The following DDX3X variants were observed in gnomAD, a reference collection of about 807,000 sequenced individuals.
DDX3X encodes the protein ATP-dependent RNA helicase DDX3X.
In DDX3X, 4 loss-of-function variants were observed where a neutral mutation model predicts 52.7. The ratio of observed to expected loss-of-function variants is 0.08; its 90% CI spans 0.04 to 0.17. The LOEUF (loss-of-function observed/expected upper bound fraction) is 0.17. DDX3X is among the 10% of genes least tolerant of loss of function. The probability of loss-of-function intolerance (pLI) is 1.00; values close to 1 mark genes in which losing one functional copy is unlikely to be tolerated. For synonymous variants in DDX3X, 192 were observed against 178.1 expected (o/e 1.08, Z -0.62); for missense variants, 222 against 548.6 (o/e 0.40, Z 5.95).
chrX:41,343,167 C>T (rs776673110), intron 6 of DDX3X, 49 bp from the exon 7 acceptor site: 1 of 1,170,334 alleles, frequency 8.5e-7, no homozygotes, highest in South Asian at 1.9e-5. Context: ...TAGTATAAAA[C>T]AGAAATAGCT....
At position 41,345,189 on chromosome X, in the gene DDX3X, G is replaced by A. The variant is rs2063907855; in HGVS notation, c.1035G>A (p.Val345=). Reference sequence around the variant, plus strand: ...TTTCATGACATGACAGATACTTGGTGTTAGATGAAGCTGATCGGATGTTGG... The same window carrying A: ...TTTCATGACATGACAGATACTTGGTATTAGATGAAGCTGATCGGATGTTGG... ...KIGLDFCKYL[V]LDEADRMLDM... The change falls in exon 11 of 17, where the codon GTG becomes GTA. Residue 345 remains valine, a synonymous_variant. Transcript: ENST00000644876. The A allele has an allele frequency of 8.3e-7, 1 of 1,210,263 alleles. No individual in the cohort carries two copies.
upstream of DDX3X, chrX:41,334,008 T>A: frequency 2.6e-6 from 1 of 386,016 alleles, no homozygotes; most frequent in Non-Finnish European, 4.6e-6. Flanking sequence ...AAGTAGGAAA[T>A]CCCTTGAGCT....
upstream of DDX3X, chrX:41,333,849 G>T (rs2063712991): frequency 6.7e-6 from 1 of 148,169 alleles, no homozygotes; most frequent in African/African-American, 3.1e-5. Context: ...CCGGTGGAAA[G>T]CGGGAGACGC....
chrX:41,344,186 T>C, intron 9 of DDX3X, 53 bp from the exon 10 acceptor site: 1 of 1,192,926 alleles, frequency 8.4e-7, no homozygotes, highest in Non-Finnish European at 1.1e-6. Flanking sequence ...AAATGTTTTA[T>C]GAACATGTAA....
intron 1 of DDX3X, 193 bp downstream of exon 1, chrX:41,334,490 G>C (rs1054301976): frequency 9.1e-7 from 1 of 1,097,307 alleles, no homozygotes; most frequent in Non-Finnish European, 1.2e-6. Context: ...CCCGGTCTCG[G>C]CCCGCTGTAT....
At position 41,349,352 on chromosome X, in the gene DDX3X, TCTTA is replaced by T. The variant is rs1473304674; in HGVS notation, c.*1637_*1640del. ...TGTGTGCGTGTCCTTAAACTTCCAATCTTACTTTGTCTCTTGGAGATTGTTGAAC... is the reference window on the plus strand; with the variant it reads ...TGTGTGCGTGTCCTTAAACTTCCAATCTTTGTCTCTTGGAGATTGTTGAAC... On this transcript the variant is annotated 3_prime_UTR_variant, in exon 17 of 17. Transcript: ENST00000644876. 1.8e-5 allele frequency: 2 copies of T among 111,664 alleles called. No homozygotes were observed. The highest frequency in any genetic ancestry group is 9.7e-5 in the Admixed American group (1 of 10,333). The allele number at this position is 111,664 out of a possible 1,213,427, so 9.2% of individuals were successfully genotyped here.
rs997275515 is a variant in DDX3X, at chrX:41,349,768, T to C, written c.*2049T>C. 1.8e-5 allele frequency: 2 copies of C among 111,962 alleles called. No homozygotes were observed. Among genetic ancestry groups the C allele is most frequent in the African/African-American group, 6.5e-5 (2 of 30,771 alleles). 9.2% of individuals were successfully genotyped at this position (111,962 alleles called of 1,213,427 possible). A position where few individuals can be genotyped will look rare whatever the true frequency, so the allele number is the denominator to read the frequency against. ...TTTCTGATGTTAGTAAAAACAAAATTGGCGACTTGAAATTAAATCATGCCA... is the reference window on the plus strand; with the variant it reads ...TTTCTGATGTTAGTAAAAACAAAATCGGCGACTTGAAATTAAATCATGCCA... On this transcript the variant is annotated 3_prime_UTR_variant, in exon 17 of 17. Coordinates refer to ENST00000644876, the MANE Select transcript of DDX3X (RefSeq NM_001356.5).
chrX:41,364,457 A>G (rs905218514), exon 6 of DDX3X: 1 of 287,812 alleles, frequency 3.5e-6, no homozygotes, highest in Non-Finnish European at 6.1e-6. Context: ...ATAAACACCT[A>G]TGCACCTTGG....
intron 5 of DDX3X, among the ~76,000 whole-genome samples, chrX:41,355,874 G>A (rs2064006912): frequency 9.1e-6 from 1 of 110,138 alleles, no homozygotes; most frequent in Admixed American, 9.8e-5. Flanking sequence ...TGGTGATGTT[G>A]AACATCTTTT....
intron 1 of DDX3X, 21 bp downstream of exon 1, chrX:41,334,318 C>T: frequency 8.3e-7 from 1 of 1,208,349 alleles, no homozygotes; most frequent in Non-Finnish European, 1.1e-6. Context: ...AGAACCCCAC[C>T]GGGCTGGCTG....
intron 1 of DDX3X, chrX:41,335,538 C>G (rs1201173517): frequency 9.0e-6 from 1 of 111,268 alleles, no homozygotes; most frequent in African/African-American, 3.3e-5. Context: ...AACAGTGGCA[C>G]CAGGCTTCAG....
chrX:41,341,555 CGTA>C lies in DDX3X; in HGVS notation c.226_228del (p.Ser76del), dbSNP rs762825048. 8.3e-6 allele frequency: 10 copies of C among 1,207,184 alleles called. No individual in the cohort carries two copies. The highest frequency in any genetic ancestry group is 1.1e-5 in the Non-Finnish European group (10 of 892,875). The stretch of plus-strand genomic sequence containing the variant: ...GGATGCGTATAGCAGTTTTGGATCT[CGTA>C]GTGATTCAAGAGGGAAGTCTAGCTT... On this transcript the variant is annotated inframe_deletion, in exon 4 of 17. Coordinates refer to ENST00000644876, the MANE Select transcript of DDX3X (RefSeq NM_001356.5).
intron 1 of DDX3X, 24 bp downstream of exon 1, chrX:41,334,321 G>A (rs201760258): frequency 1.7e-6 from 2 of 1,206,751 alleles, no homozygotes; most frequent in South Asian, 1.8e-5. Flanking sequence ...ACCCCACCGG[G>A]CTGGCTGCTG....
In DDX3X at chrX:41,341,733, G is replaced by T. The variant is rs549269398; in HGVS notation, c.284+117G>T. The T allele has an allele frequency of 5.8e-4, 396 of 686,565 alleles. 1 individual carries two copies. The South Asian group carries it at 0.011, about 20-fold the overall frequency. 56.6% of individuals were successfully genotyped at this position (686,565 alleles called of 1,213,427 possible). ...TCTGTTTGGTCATTGTATTTTCTTA[G>T]CCGTAAGAGGCTTTTACTAAATTGA... is the stretch of plus-strand genomic sequence containing the variant. On this transcript the variant is annotated intron_variant, in intron 4 of 16. Transcript: ENST00000644876.
rs753872224 is a variant in DDX3X at position 41,343,082 on chromosome X, A to T, written c.544-134A>T. 8.5e-5 allele frequency: 71 copies of T among 837,623 alleles called. No homozygotes were observed. The South Asian group carries it at 1.8e-3, about 21-fold the overall frequency. 69.0% of individuals were successfully genotyped at this position (837,623 alleles called of 1,213,427 possible). A position where few individuals can be genotyped will look rare whatever the true frequency, so the allele number is the denominator to read the frequency against. On this transcript the variant is annotated intron_variant, in intron 6 of 16. Transcript: ENST00000644876. ...GTAAGCCTGGGGGTTGGTTTTTCTC[A>T]AAGTATAATGTGATAATTTTACTTA...
chrX:41,341,419 A>T, intron 3 of DDX3X, 65 bp from the exon 4 acceptor site: 1 of 966,067 alleles, frequency 1.0e-6, no homozygotes, highest in Non-Finnish European at 1.4e-6. Context: ...AAAGATTGAT[A>T]ATACCTTAAC....
rs2063947875 is a variant in DDX3X, at chrX:41,347,977, A to G, written c.*258A>G. The G allele has an allele frequency of 5.9e-6, 2 of 340,720 alleles. No homozygotes were observed. Among genetic ancestry groups the G allele is most frequent in the East Asian group, 9.2e-5 (2 of 21,797 alleles). 28.1% of individuals were successfully genotyped at this position (340,720 alleles called of 1,213,427 possible). On this transcript the variant is annotated 3_prime_UTR_variant, in exon 17 of 17. Transcript: ENST00000644876. ...CTCCCCTCCCGCCTACCCCCATCCCAAACTGCATTTATAATTTTGTGACTG... is the reference window on the plus strand; with the variant it reads ...CTCCCCTCCCGCCTACCCCCATCCCGAACTGCATTTATAATTTTGTGACTG...
At chrX:41,338,820 C>T in intron 2 of DDX3X, 1 of 140,581 alleles carries the variant, frequency 7.1e-6, no homozygotes, top group Non-Finnish European at 1.4e-5. Flanking sequence ...TCCAAATCAG[C>T]TTTTTTTTAT....
chrX:41,343,783 T>A lies in DDX3X; in HGVS notation c.726T>A (p.Ile242=). The change falls in exon 8 of 17, where the codon ATT becomes ATA. Residue 242 remains isoleucine, a synonymous_variant. Coordinates refer to ENST00000644876, the MANE Select transcript of DDX3X (RefSeq NM_001356.5). Reference sequence around the variant, plus strand: ...TTCTGTTGCCCATCTTGAGTCAGATTTATTCAGATGGTCCAGGCGAGGCTT... The same window carrying A: ...TTCTGTTGCCCATCTTGAGTCAGATATATTCAGATGGTCCAGGCGAGGCTT... ...AAFLLPILSQ[I]YSDGPGEALR... is the part of the protein sequence containing the mutation. The A allele has an allele frequency of 1.7e-6, 2 of 1,211,079 alleles. No individual in the cohort carries two copies. The highest frequency in any genetic ancestry group is 3.5e-5 in the South Asian group (2 of 56,904).
Sources: gnomAD v4.1 joint callset for allele counts (sites outside exome capture counted in the v4.1 genomes callset) on GRCh38, gnomAD v4.1.1 for gene constraint, MANE v1.5 for transcripts, NCBI Gene and HGNC (gene_info 2026-07-23, HGNC 2026-07-21) for gene names.